Variants in ABCC8 observed in about 807,000 individuals in gnomAD.
The protein encoded by ABCC8 is ATP-binding cassette sub-family C member 8.
ABCC8 carries 137 observed loss-of-function variants against 188.0 expected under a neutral mutation model. The ratio of observed to expected loss-of-function variants is 0.73; its 90% CI spans 0.63 to 0.84. ABCC8 has a LOEUF of 0.84. Ranked by LOEUF, ABCC8 falls within the 40% of genes least tolerant of loss-of-function variation. The pLI is 0.00. For synonymous variants in ABCC8, 797 were observed against 846.5 expected (o/e 0.94, Z 1.01); for missense variants, 1,750 against 2,072.7 (o/e 0.84, Z 3.02).
chr11:17,412,623 G>C (rs1954867119), intron 21 of ABCC8, 43 bp downstream of exon 21: 2 of 1,590,058 alleles, frequency 1.3e-6, no homozygotes, highest in Non-Finnish European at 1.7e-6. Context: ...GTTAGGCCTG[G>C]GAGGCAGCCA....
At chr11:17,433,345 C>A (rs1299179171) in intron 10 of ABCC8, among the ~76,000 whole-genome samples, 1 of 152,254 alleles carries the variant, frequency 6.6e-6, no homozygotes, top group South Asian at 2.1e-4. Context: ...GAGCCAGAAG[C>A]CAGAGGCCAG....
At chr11:17,393,177 C>A (rs200744808) in intron 38 of ABCC8, 49 bp from the exon 39 acceptor site, 2 of 1,608,200 alleles carry the variant, frequency 1.2e-6, no homozygotes, top group African/African-American at 1.3e-5. Context: ...ATACCACCCG[C>A]GGTGGGGGCC....
intron 28 of ABCC8, among the ~76,000 whole-genome samples, chr11:17,403,929 C>T (rs1394410998): frequency 6.6e-6 from 1 of 152,134 alleles, no homozygotes; most frequent in East Asian, 1.9e-4. Context: ...CTATGAGTTT[C>T]TATGAATCTG....
intron 22 of ABCC8, 32 bp downstream of exon 22, chr11:17,410,484 C>A: frequency 6.2e-7 from 1 of 1,612,764 alleles, no homozygotes; most frequent in South Asian, 1.1e-5. Flanking sequence ...CAGCCCTGCC[C>A]CCTATAGCCT....
At chr11:17,402,846 G>A in intron 28 of ABCC8, 93 bp from the exon 29 acceptor site, 1 of 1,484,866 alleles carries the variant, frequency 6.7e-7, no homozygotes, top group Non-Finnish European at 9.4e-7. Flanking sequence ...CGCTGTGTGG[G>A]TGAATGGCCT....
At chr11:17,452,560 G>A (rs374341988) in intron 7 of ABCC8, among the ~76,000 whole-genome samples, 70 of 152,164 alleles carry the variant, frequency 4.6e-4, no homozygotes, top group African/African-American at 1.5e-3. Context: ...TAATGTAGCC[G>A]CTGATCTGAC....
chr11:17,424,238 T>A (rs566970052), intron 16 of ABCC8, among the ~76,000 whole-genome samples: 1 of 152,064 alleles, frequency 6.6e-6, no homozygotes, highest in East Asian at 1.9e-4. Context: ...GATGACAGGT[T>A]GATAGGTGCA....
chr11:17,456,929 C>T (rs1056477920), intron 6 of ABCC8, among the ~76,000 whole-genome samples: 2 of 152,140 alleles, frequency 1.3e-5, no homozygotes, highest in Non-Finnish European at 2.9e-5. Context: ...GTGCTGGGCA[C>T]ACAGAGGTCA....
In ABCC8 at chr11:17,461,606, A is replaced by G; in HGVS notation, c.799T>C (p.Cys267Arg). ...MRALTNYQRL[C>R]EAFDAQVRKD... ...ACCACCTGGGCGTCAAAGGCCTCGC[A>G]GAGCCGTTGGTAGTTGGTGAGGGCC... The change falls in exon 5 of 39, where the codon TGC (cysteine) becomes CGC (arginine). Residue 267 changes from cysteine to arginine, a missense_variant. By Grantham distance (180) the Cys-to-Arg change is radical (BLOSUM62 -3). Transcript: ENST00000389817. 6.8e-6 allele frequency: 11 copies of G among 1,614,252 alleles called. No homozygotes were observed. Among genetic ancestry groups the G allele is most frequent in the Non-Finnish European group, 8.5e-6 (10 of 1,180,042 alleles).
chr11:17,395,325 G>A (rs1953856841), intron 35 of ABCC8, 50 bp from the exon 36 acceptor site: 2 of 1,552,136 alleles, frequency 1.3e-6, no homozygotes, highest in East Asian at 4.9e-5. Flanking sequence ...GGTCCTGCCT[G>A]CATCCCCAGG....
At chr11:17,413,080 C>A in intron 20 of ABCC8, 1 of 598,312 alleles carries the variant, frequency 1.7e-6, no homozygotes, top group Non-Finnish European at 2.9e-6. Context: ...GAGGGGACCC[C>A]ATCTGGAGGA....
At chr11:17,460,350 G>T in intron 6 of ABCC8, 138 bp downstream of exon 6, 1 of 1,339,074 alleles carries the variant, frequency 7.5e-7, no homozygotes, top group Non-Finnish European at 1.1e-6. Context: ...CTGTGGTGGG[G>T]ATACTGCTAT....
chr11:17,397,149 C>A lies in ABCC8; in HGVS notation c.3988+44G>T, dbSNP rs557953005. The A allele has an allele frequency of 1.9e-6, 3 of 1,613,400 alleles. No homozygotes were observed. In the South Asian group the frequency reaches 3.3e-5, roughly 18 times the overall value. ...CCTTGTGGCCCCCAACCCAGACACA[C>A]TCCTCCTTGGACTCTTCCCCACCCC... On this transcript the variant is annotated intron_variant, in intron 32 of 38. Transcript: ENST00000389817.
intron 8 of ABCC8, among the ~76,000 whole-genome samples, chr11:17,443,996 A>T (rs1184638644): frequency 2.0e-5 from 3 of 152,210 alleles, no homozygotes; most frequent in Non-Finnish European, 4.4e-5. Flanking sequence ...CTCAAAGAAC[A>T]GATGTGCTGG....
At chr11:17,421,994 C>G (rs536065886) in intron 16 of ABCC8, among the ~76,000 whole-genome samples, 1 of 152,362 alleles carries the variant, frequency 6.6e-6, no homozygotes, top group East Asian at 1.9e-4. Context: ...GCATCACCCT[C>G]TCCTCTGGCT....
Position 17,463,519 on chromosome 11 carries a change from C to T in ABCC8, c.498G>A (p.Gln166=). ...GCAGCCCTGTGAGGCAGAAGCGTAG[C>T]TGCGAGAAGCCGATGGCGTGGTCCA... ...KFLDHAIGFS[Q]LRFCLTGLLV... is the part of the protein sequence containing the mutation. Residue 166 remains glutamine (Q), a synonymous_variant, in exon 4 of 39, where the codon CAG becomes CAA. Transcript: ENST00000389817. The T allele has an allele frequency of 6.2e-7, 1 of 1,600,092 alleles. No homozygotes were observed. The highest frequency in any genetic ancestry group is 8.5e-7 in the Non-Finnish European group (1 of 1,173,676).
chr11:17,398,385 G>C lies in ABCC8; in HGVS notation c.3707C>G (p.Ala1236Gly). Residue 1236 changes from alanine (A) to glycine (G), a missense_variant, in exon 30 of 39, where the codon GCT (alanine) becomes GGT (glycine). Coordinates refer to ENST00000389817, the MANE Select transcript of ABCC8 (RefSeq NM_000352.6). ...LLEYTDSNNI[A>G]SLFLTAANRW... ...GTTGGCAGCTGTGAGGAAGAGGGAA[G>C]CAATGTTGTTGGAGTCTGTGTATTC... 6.2e-7 allele frequency: 1 copy of C among 1,614,170 alleles called. No homozygotes were observed. The highest frequency in any genetic ancestry group is 8.5e-7 in the Non-Finnish European group (1 of 1,180,012).
chr11:17,425,819 A>G (rs1201837567), intron 16 of ABCC8, among the ~76,000 whole-genome samples: 1 of 151,950 alleles, frequency 6.6e-6, no homozygotes, highest in Non-Finnish European at 1.5e-5. Flanking sequence ...ATTTCTCCTA[A>G]TGCTATCCCT....
chr11:17,395,091 T>G (rs1953837863), intron 36 of ABCC8, 81 bp downstream of exon 36: 17 of 1,525,334 alleles, frequency 1.1e-5, no homozygotes, highest in African/African-American at 1.4e-5. Flanking sequence ...GGGGCAAACC[T>G]GAGACACGGG....
Sources: gnomAD v4.1 joint callset for allele counts (sites outside exome capture counted in the v4.1 genomes callset) on GRCh38, gnomAD v4.1.1 for gene constraint, MANE v1.5 for transcripts, NCBI Gene and HGNC (gene_info 2026-07-23, HGNC 2026-07-21) for gene names.